UGT2B4: variants seen among roughly 807,000 people sequenced by gnomAD.
The protein encoded by UGT2B4 is UDP glucuronosyltransferase family 2 member B4.
In UGT2B4, 49 loss-of-function variants were observed where a neutral mutation model predicts 49.8. The ratio of observed to expected loss-of-function variants is 0.98; its 90% confidence interval spans 0.78 to 1.25. The LOEUF (loss-of-function observed/expected upper bound fraction) is 1.25. Ranked by LOEUF, UGT2B4 falls within the 50% of genes most tolerant of loss-of-function variation. UGT2B4 has a pLI of 0.00. For synonymous variants in UGT2B4, 246 were observed against 217.7 expected (o/e 1.13, Z -1.14); for missense variants, 729 against 627.7 (o/e 1.16, Z -1.73).
chr4:69,504,609 A>ACTAAAT (rs1728424043), intron 1 of UGT2B4, among the ~76,000 whole-genome samples: 1 of 152,188 alleles, frequency 6.6e-6, no homozygotes, highest in Non-Finnish European at 1.5e-5. Flanking sequence ...TTGTAAAGAG[A>ACTAAAT]CTAAATCTAC....
At chr4:69,481,625 G>A (rs1727593650) in intron 5 of UGT2B4, among the ~76,000 whole-genome samples, 1 of 152,088 alleles carries the variant, frequency 6.6e-6, no homozygotes, top group Non-Finnish European at 1.5e-5. Flanking sequence ...CATGAAGAAA[G>A]GCTACCCATT....
intron 1 of UGT2B4, 26 bp downstream of exon 1, chr4:69,495,115 T>C: frequency 6.6e-7 from 1 of 1,505,580 alleles, no homozygotes; most frequent in Non-Finnish European, 8.8e-7. Flanking sequence ...TAGATCTTCA[T>C]GTTACCAATC....
At chr4:69,497,086 T>C (rs1728189030), upstream of UGT2B4, among the ~76,000 whole-genome samples, 1 of 152,164 alleles carries the variant, frequency 6.6e-6, no homozygotes, top group Non-Finnish European at 1.5e-5. Flanking sequence ...AAGATTAAAG[T>C]TCATCTTAAC....
Position 69,480,799 on chromosome 4 carries a change from C to T in UGT2B4, c.1422G>A (p.Lys474=), listed in dbSNP as rs1279084803. ...IEFVMRHKGA[K]HLRVAAHDLT... ...GGTCGTGGGCTGCAACCCGAAGGTG[C>T]TTGGCTCCTTTATGGCGCATGACAA... Residue 474 remains lysine, a synonymous_variant, in exon 6 of 6, where the codon AAG becomes AAA. Transcript: ENST00000305107. 5 of 1,613,960 alleles carry T rather than the reference C, an allele frequency of 3.1e-6. No homozygotes were observed. Among genetic ancestry groups the T allele is most frequent in the Middle Eastern group, 1.7e-4 (1 of 6,056 alleles).
At chr4:69,523,427 A>C (rs1728889890) in intron 1 of UGT2B4, among the ~76,000 whole-genome samples, 1 of 152,174 alleles carries the variant, frequency 6.6e-6, no homozygotes, top group Non-Finnish European at 1.5e-5. Flanking sequence ...CATTTTGATC[A>C]CAGCTCTTGC....
At chr4:69,497,544 T>C, upstream of UGT2B4, among the ~76,000 whole-genome samples, 1 of 152,222 alleles carries the variant, frequency 6.6e-6, no homozygotes, top group East Asian at 1.9e-4. Flanking sequence ...AGGAAATAAC[T>C]GCAGATGTGG....
In UGT2B4 at chr4:69,495,794, C is replaced by A; in HGVS notation, c.68G>T (p.Cys23Phe). 6.2e-7 allele frequency: 1 copy of A among 1,613,656 alleles called. No individual in the cohort carries two copies. The highest frequency in any genetic ancestry group is 8.5e-7 in the Non-Finnish European group (1 of 1,179,830). Residue 23 changes from cysteine to phenylalanine, a missense_variant, in exon 1 of 6, where the codon TGT becomes TTT. Cys to Phe is a radical substitution (Grantham distance 205, BLOSUM62 -2). Transcript: ENST00000305107. ...QLSCYFSSGS[C>F]GKVLVWPTEF... is the part of the protein sequence containing the mutation. The stretch of plus-strand genomic sequence containing the variant: ...TGTGGGCCACACCAGCACCTTTCCA[C>A]AACTCCCAGAGCTAAAGTAACAGCT...
intron 1 of UGT2B4, among the ~76,000 whole-genome samples, chr4:69,519,597 T>A (rs1728802578): frequency 6.6e-6 from 1 of 152,214 alleles, no homozygotes; most frequent in South Asian, 2.1e-4. Context: ...TGCCTCCCGT[T>A]TTATTCCTAA....
In UGT2B4 at chr4:69,523,744, T is replaced by G. The variant is rs114184761; in HGVS notation, c.-106+1943A>C. Among the ~76,000 whole-genome samples the G allele has an allele frequency of 8.5e-3, 1,289 of 152,222 alleles. 21 individuals carry two copies. Among genetic ancestry groups the G allele is most frequent in the African/African-American group, 0.029 (1,217 of 41,570 alleles). On this transcript the variant is annotated intron_variant, in intron 1 of 1. Coordinates refer to the UGT2B4 transcript ENST00000510114. ...AAAGCCAGGCATTGACTTCTTATCT[T>G]TCACTATTAAAGACTCAAGTGACAT...
upstream of UGT2B4, among the ~76,000 whole-genome samples, chr4:69,498,564 T>C (rs1337619516): frequency 6.6e-6 from 1 of 151,944 alleles, no homozygotes; most frequent in African/African-American, 2.4e-5. Flanking sequence ...TCAGAACTTG[T>C]TATAGGTCTC....
intron 5 of UGT2B4, among the ~76,000 whole-genome samples, chr4:69,483,123 A>G (rs1408176479): frequency 1.3e-5 from 2 of 152,054 alleles, no homozygotes; most frequent in Non-Finnish European, 2.9e-5. Flanking sequence ...CATAATTATG[A>G]TTTACTTTTT....
rs768591561 is a variant in UGT2B4 at position 69,495,478 on chromosome 4, C to G, written c.384G>C (p.Lys128Asn). ...TFNDILRKFC[K>N]DIVSNKKLMK... ...TAAGTTTCTTATTTGAAACTATATC[C>G]TTACAGAACTTTCTAAGTATGTCAT... Residue 128 changes from lysine (K) to asparagine (N), a missense_variant, in exon 1 of 6, where the codon AAG becomes AAC. Transcript: ENST00000305107. 4.3e-6 allele frequency: 7 copies of G among 1,612,276 alleles called. No homozygotes were observed. Among genetic ancestry groups the G allele is most frequent in the Middle Eastern group, 1.6e-4 (1 of 6,082 alleles).
intron 1 of UGT2B4, among the ~76,000 whole-genome samples, chr4:69,517,237 C>G (rs908420489): frequency 1.3e-5 from 2 of 151,932 alleles, no homozygotes; most frequent in Non-Finnish European, 2.9e-5. Flanking sequence ...TAGCCCTCCC[C>G]CCCAAGAAAT....
At chr4:69,513,142 T>C (rs900063639) in intron 1 of UGT2B4, among the ~76,000 whole-genome samples, 3 of 152,194 alleles carry the variant, frequency 2.0e-5, no homozygotes, top group African/African-American at 7.2e-5. Context: ...GGTGTTTTCA[T>C]CATAAAATCT....
chr4:69,481,737 G>A (rs548540514), intron 5 of UGT2B4, among the ~76,000 whole-genome samples: 2 of 152,146 alleles, frequency 1.3e-5, no homozygotes, highest in African/African-American at 4.8e-5. Context: ...CGTTTTAAGT[G>A]GTAAAAGATA....
intron 1 of UGT2B4, among the ~76,000 whole-genome samples, chr4:69,523,776 T>C (rs1247458562): frequency 6.6e-6 from 1 of 152,144 alleles, no homozygotes; most frequent in Non-Finnish European, 1.5e-5. Context: ...ACATATTTTT[T>C]CAATAAAGGG....
At chr4:69,494,844 G>GA (rs1304167842) in intron 1 of UGT2B4, among the ~76,000 whole-genome samples, 7 of 151,924 alleles carry the variant, frequency 4.6e-5, no homozygotes, top group African/African-American at 1.2e-4. Context: ...TTTTTAAGAT[G>GA]AAAAAATGTA....
At chr4:69,515,066 T>C (rs1428538284) in intron 1 of UGT2B4, among the ~76,000 whole-genome samples, 2 of 152,114 alleles carry the variant, frequency 1.3e-5, no homozygotes, top group Non-Finnish European at 2.9e-5. Context: ...TCCCACACAA[T>C]AATAGTAGGA....
intron 1 of UGT2B4, among the ~76,000 whole-genome samples, chr4:69,510,987 CTTCT>C (rs1560441481): frequency 2.3e-5 from 2 of 88,046 alleles, no homozygotes; most frequent in Non-Finnish European, 4.3e-5. Flanking sequence ...CTTTTCTTTT[CTTCT>C]TTTTTTTTTT....
Sources: gnomAD v4.1 joint callset for allele counts (sites outside exome capture counted in the v4.1 genomes callset) on GRCh38, gnomAD v4.1.1 for gene constraint, MANE v1.5 for transcripts, NCBI Gene and HGNC (gene_info 2026-07-23, HGNC 2026-07-21) for gene names.